FOXN3: variants seen among roughly 807,000 people sequenced by gnomAD.
FOXN3 encodes forkhead box N3.
In FOXN3, 7 loss-of-function variants were observed where a neutral mutation model predicts 38.4. That is an observed-to-expected ratio of 0.18 (90% CI 0.10 to 0.34). FOXN3 has a LOEUF of 0.34. FOXN3 is among the 10% of genes least tolerant of loss of function. The pLI is 1.00. For missense variants in FOXN3, 456 were observed against 613.4 expected (o/e 0.74, Z 2.71); for synonymous variants, 230 against 242.2 (o/e 0.95, Z 0.47).
At chr14:89,356,951 G>A (rs1198590399) in intron 2 of FOXN3, among the ~76,000 whole-genome samples, 1 of 152,224 alleles carries the variant, frequency 6.6e-6, no homozygotes, top group Non-Finnish European at 1.5e-5. Context: ...TGGGCTGGAA[G>A]TGGCAAGAGC....
At chr14:89,458,843 A>T (rs1379492875) in intron 1 of FOXN3, among the ~76,000 whole-genome samples, 1 of 152,170 alleles carries the variant, frequency 6.6e-6, no homozygotes, top group East Asian at 1.9e-4. Context: ...CAGAGAAGAT[A>T]AAGCCCTTAA....
At chr14:89,343,807 GGGTGGAGTGCAAT>G (rs1421868001) in intron 3 of FOXN3, among the ~76,000 whole-genome samples, 1 of 151,756 alleles carries the variant, frequency 6.6e-6, no homozygotes, top group African/African-American at 2.4e-5. Flanking sequence ...CTGTTGCCCA[GGGTGGAGTGCAAT>G]GGTGCAATCT....
chr14:89,512,543 G>T (rs1011501922), intron 1 of FOXN3, among the ~76,000 whole-genome samples: 2 of 152,206 alleles, frequency 1.3e-5, no homozygotes, highest in African/African-American at 4.8e-5. Context: ...AGGTTTGTTT[G>T]TACAGACTCA....
chr14:89,591,640 A>C (rs1032145606), intron 1 of FOXN3, among the ~76,000 whole-genome samples: 1 of 152,210 alleles, frequency 6.6e-6, no homozygotes, highest in Non-Finnish European at 1.5e-5. Context: ...ATCTAAACAA[A>C]CAGGAAAGGT....
intron 1 of FOXN3, among the ~76,000 whole-genome samples, chr14:89,580,930 C>T (rs1424945677): frequency 2.0e-5 from 3 of 152,038 alleles, no homozygotes; most frequent in African/African-American, 7.3e-5. Context: ...TGCCTGTAAT[C>T]CCAGCACTTT....
At chr14:89,449,782 CT>C (rs1220496452) in intron 1 of FOXN3, among the ~76,000 whole-genome samples, 1 of 152,186 alleles carries the variant, frequency 6.6e-6, no homozygotes, top group Non-Finnish European at 1.5e-5. Flanking sequence ...CTTTGCCCCC[CT>C]CCCTCCCTCC....
chr14:89,337,831 T>TGTTG, intron 3 of FOXN3, among the ~76,000 whole-genome samples: 1 of 152,278 alleles, frequency 6.6e-6, no homozygotes. Context: ...GGTTTCACCA[T>TGTTG]GTTGGCCAGG....
intron 1 of FOXN3, among the ~76,000 whole-genome samples, chr14:89,505,076 C>A (rs1281607921): frequency 6.6e-6 from 1 of 152,190 alleles, no homozygotes; most frequent in African/African-American, 2.4e-5. Flanking sequence ...AATTACTTCC[C>A]CATGTGGTTT....
At chr14:89,223,475 C>T (rs1004180883) in intron 4 of FOXN3, 2 of 152,380 alleles carry the variant, frequency 1.3e-5, no homozygotes, top group Middle Eastern at 3.2e-3. Flanking sequence ...TGCTTGTCCA[C>T]CTTTGTGAGC....
upstream of FOXN3, among the ~76,000 whole-genome samples, chr14:89,421,873 T>C (rs1325959084): frequency 4.6e-5 from 7 of 151,646 alleles, no homozygotes; most frequent in Admixed American, 4.6e-4. Context: ...ATTACATATA[T>C]ACATACATAT....
chr14:89,469,186 G>A (rs571587551), intron 1 of FOXN3, among the ~76,000 whole-genome samples: 4 of 152,332 alleles, frequency 2.6e-5, no homozygotes, highest in African/African-American at 9.6e-5. Flanking sequence ...CCCTGAGGTA[G>A]TCAGTGGCAC....
intron 1 of FOXN3, among the ~76,000 whole-genome samples, chr14:89,445,964 G>A (rs1892484441): frequency 6.6e-6 from 1 of 150,876 alleles, no homozygotes; most frequent in Non-Finnish European, 1.5e-5. Context: ...TGGCGGGGGT[G>A]GAGGACATGC....
intron 2 of FOXN3, among the ~76,000 whole-genome samples, chr14:89,386,316 G>T (rs1890787905): frequency 6.6e-6 from 1 of 152,200 alleles, no homozygotes; most frequent in South Asian, 2.1e-4. Flanking sequence ...TGTGTCATCT[G>T]CTCTCTAGTG....
At chr14:89,212,659 C>T (rs1884134395) in intron 4 of FOXN3, among the ~76,000 whole-genome samples, 1 of 152,148 alleles carries the variant, frequency 6.6e-6, no homozygotes, top group Admixed American at 6.5e-5. Context: ...GGCCTGGGTC[C>T]CCCTCCTTTG....
chr14:89,423,349 A>G (rs1891957420), intron 1 of FOXN3, among the ~76,000 whole-genome samples: 2 of 152,252 alleles, frequency 1.3e-5, no homozygotes, highest in South Asian at 2.1e-4. Flanking sequence ...GATTAAATAA[A>G]TTAATCTTTG....
chr14:89,225,408 T>C lies in FOXN3; in HGVS notation c.746-44602A>G, dbSNP rs1443685385. Among the ~76,000 whole-genome samples, 6 of 151,832 alleles carry C rather than the reference T, an allele frequency of 4.0e-5. No individual in the cohort carries two copies. In the East Asian group the frequency reaches 9.8e-4, roughly 25 times the overall value. On this transcript the variant is annotated intron_variant, in intron 4 of 5. Coordinates refer to ENST00000557258, the MANE Select transcript of FOXN3 (RefSeq NM_005197.4). Reference sequence around the variant, plus strand: ...TCACGAGGTCAGGAGATCGAGACCATCCTGGCTGACATGGTGAAACCCCGT... The same window carrying C: ...TCACGAGGTCAGGAGATCGAGACCACCCTGGCTGACATGGTGAAACCCCGT...
chr14:89,436,310 A>C (rs1892275988), intron 1 of FOXN3, among the ~76,000 whole-genome samples: 1 of 145,078 alleles, frequency 6.9e-6, no homozygotes, highest in African/African-American at 2.6e-5. Flanking sequence ...AAAAAAGTTA[A>C]TTTATAAAGA....
At chr14:89,449,393 A>C (rs1006591217) in intron 1 of FOXN3, among the ~76,000 whole-genome samples, 1 of 152,200 alleles carries the variant, frequency 6.6e-6, no homozygotes, top group Admixed American at 6.5e-5. Context: ...CACAATACAG[A>C]GGTCCAAATT....
intron 1 of FOXN3, among the ~76,000 whole-genome samples, chr14:89,502,898 G>A (rs1893831530): frequency 6.6e-6 from 1 of 152,126 alleles, no homozygotes; most frequent in Non-Finnish European, 1.5e-5. Flanking sequence ...GGTCATGCAA[G>A]ATACAAACTT....
Sources: allele counts gnomAD v4.1 joint callset (sites outside exome capture counted in the v4.1 genomes callset), GRCh38; gene constraint gnomAD v4.1.1; transcripts MANE v1.5; gene names NCBI Gene and HGNC (gene_info 2026-07-23, HGNC 2026-07-21).